CTNNA3: variants seen among roughly 807,000 people sequenced by gnomAD.
CTNNA3 encodes catenin alpha 3.
Under a neutral mutation model 95.7 loss-of-function variants are expected in CTNNA3, and 76 were observed. The ratio of observed to expected loss-of-function variants is 0.79; its 90% CI spans 0.66 to 0.96. CTNNA3 has a LOEUF of 0.96. CTNNA3 is among the 40% of genes least tolerant of loss of function. CTNNA3 has a pLI of 0.00. For synonymous variants in CTNNA3, 431 were observed against 374.4 expected, an observed-to-expected ratio of 1.15 and a Z score of -1.74; for missense variants, 1,191 against 1,089.8, an observed-to-expected ratio of 1.09 and a Z score of -1.31.
Position 66,401,847 on chromosome 10 carries a change from C to T in CTNNA3, c.1532-22495G>A, listed in dbSNP as rs191917595. 3.6e-3 allele frequency among the ~76,000 whole-genome samples: 547 copies of T among 151,808 alleles called. 2 individuals carry two copies. Among genetic ancestry groups the T allele is most frequent in the Non-Finnish European group, 6.3e-3 (430 of 67,896 alleles). On this transcript the variant is annotated intron_variant, in intron 11 of 17. Coordinates refer to ENST00000433211, the MANE Select transcript of CTNNA3 (RefSeq NM_013266.4). ...CTAATTTTTGTAGTTTTAGTAGAGA[C>T]GGGGTTTCGCCATGTTGGCCAGGCT...
chr10:65,976,869 T>A (rs527764585), intron 16 of CTNNA3, among the ~76,000 whole-genome samples: 1 of 152,310 alleles, frequency 6.6e-6, no homozygotes, highest in South Asian at 2.1e-4. Flanking sequence ...CTCTAGATAT[T>A]AATTCCTTAT....
At chr10:65,967,208 G>A (rs955294136) in intron 16 of CTNNA3, among the ~76,000 whole-genome samples, 31 of 151,546 alleles carry the variant, frequency 2.0e-4, no homozygotes, top group African/African-American at 7.3e-4. Context: ...TGCCTGCCTT[G>A]GCATCCCACA....
intron 7 of CTNNA3, among the ~76,000 whole-genome samples, chr10:66,950,556 T>C (rs762505361): frequency 9.2e-5 from 14 of 152,068 alleles, no homozygotes; most frequent in Non-Finnish European, 2.1e-4. Context: ...TGAGATTTAG[T>C]TCATATCATA....
chr10:67,075,170 GCACA>G (rs57260841), intron 7 of CTNNA3, among the ~76,000 whole-genome samples: 1 of 149,638 alleles, frequency 6.7e-6, no homozygotes, highest in African/African-American at 2.5e-5. Flanking sequence ...AAGGATTTCT[GCACA>G]CACACACACA....
chr10:67,633,211 A>G (rs528693966), intron 2 of CTNNA3, among the ~76,000 whole-genome samples: 1 of 152,050 alleles, frequency 6.6e-6, no homozygotes, highest in Non-Finnish European at 1.5e-5. Flanking sequence ...CAAGGGCTCT[A>G]CAGACAAAGC....
chr10:66,116,074 C>A (rs191777922), intron 13 of CTNNA3, among the ~76,000 whole-genome samples: 13 of 152,160 alleles, frequency 8.5e-5, no homozygotes, highest in Admixed American at 6.6e-4. Flanking sequence ...TTGGACAACA[C>A]CTAAGGAAGA....
chr10:65,930,216 A>C (rs924246603), intron 17 of CTNNA3, among the ~76,000 whole-genome samples: 9 of 151,088 alleles, frequency 6.0e-5, no homozygotes, highest in East Asian at 1.9e-4. Context: ...AAAAAAAAAA[A>C]AAAAAAAAAA....
chr10:66,545,820 T>G (rs1432034458), intron 10 of CTNNA3, among the ~76,000 whole-genome samples: 1 of 151,956 alleles, frequency 6.6e-6, no homozygotes, highest in Non-Finnish European at 1.5e-5. Flanking sequence ...GTTTTGTCAT[T>G]TGTTATTAGT....
intron 13 of CTNNA3, among the ~76,000 whole-genome samples, chr10:66,147,670 C>T (rs1237018996): frequency 2.1e-5 from 3 of 139,832 alleles, no homozygotes; most frequent in South Asian, 4.5e-4. Context: ...AGAAAAATAC[C>T]TTTCAATATA....
rs138385192 is a variant in CTNNA3, at chr10:66,246,498, T to C, written c.1884+33972A>G. Among the ~76,000 whole-genome samples, 1,283 of 152,200 alleles carry C rather than the reference T, an allele frequency of 8.4e-3. 21 individuals are homozygous for C. The highest frequency in any genetic ancestry group is 0.029 in the African/African-American group (1,223 of 41,540). On this transcript the variant is annotated intron_variant, in intron 13 of 17. Transcript: ENST00000433211. ...AGAATGCAGCCCTGGCCATGCCTCC[T>C]TGCTGCAGCTGGCATGATGGCAACA... is the stretch of plus-strand genomic sequence containing the variant.
chr10:67,482,337 G>C (rs1480055543), intron 5 of CTNNA3, among the ~76,000 whole-genome samples: 1 of 152,008 alleles, frequency 6.6e-6, no homozygotes, highest in African/African-American at 2.4e-5. Context: ...AATTACCTTG[G>C]GCAGTGTGGC....
intron 10 of CTNNA3, among the ~76,000 whole-genome samples, chr10:66,605,595 C>CTA (rs1844092348): frequency 6.6e-6 from 1 of 152,148 alleles, no homozygotes; most frequent in Admixed American, 6.5e-5. Flanking sequence ...GCCCATCAGA[C>CTA]TAACAGTGGA....
intron 7 of CTNNA3, among the ~76,000 whole-genome samples, chr10:67,134,811 G>C (rs1304739751): frequency 6.6e-6 from 1 of 152,074 alleles, no homozygotes; most frequent in Non-Finnish European, 1.5e-5. Flanking sequence ...GGTTAGTTCA[G>C]GATATGGGAT....
intron 7 of CTNNA3, among the ~76,000 whole-genome samples, chr10:66,977,339 G>A (rs1157359575): frequency 1.3e-5 from 2 of 151,972 alleles, no homozygotes; most frequent in African/African-American, 2.4e-5. Context: ...AGGAGGCTGA[G>A]GCAGGAGGAT....
intron 7 of CTNNA3, among the ~76,000 whole-genome samples, chr10:66,853,686 A>C (rs529509820): frequency 6.6e-6 from 1 of 152,082 alleles, no homozygotes. Context: ...TCTTTGTGGT[A>C]ATCAGAATGA....
intron 11 of CTNNA3, among the ~76,000 whole-genome samples, chr10:66,459,568 A>T (rs992749133): frequency 4.2e-4 from 64 of 152,312 alleles, no homozygotes; most frequent in African/African-American, 1.5e-3. Flanking sequence ...AATAACAGCC[A>T]TGCATCACTT....
intron 14 of CTNNA3, among the ~76,000 whole-genome samples, chr10:66,098,368 T>A (rs1346962045): frequency 1.3e-5 from 2 of 152,156 alleles, no homozygotes; most frequent in Non-Finnish European, 2.9e-5. Context: ...ATGGCTTGCA[T>A]AAACTACTTA....
intron 7 of CTNNA3, among the ~76,000 whole-genome samples, chr10:66,858,776 CTT>C (rs1189829180): frequency 1.3e-5 from 2 of 151,800 alleles, no homozygotes; most frequent in East Asian, 3.9e-4. Context: ...GATATCCTCT[CTT>C]TTTTCTTTAT....
At chr10:66,233,597 T>C (rs2089700158) in intron 13 of CTNNA3, among the ~76,000 whole-genome samples, 1 of 152,168 alleles carries the variant, frequency 6.6e-6, no homozygotes, top group African/African-American at 2.4e-5. Flanking sequence ...AGAAAATGCA[T>C]ATTACAGTGC....
Sources: allele counts gnomAD v4.1 joint callset (sites outside exome capture counted in the v4.1 genomes callset), GRCh38; gene constraint gnomAD v4.1.1; transcripts MANE v1.5; gene names NCBI Gene and HGNC (gene_info 2026-07-23, HGNC 2026-07-21).